Variants in OXR1 observed in about 807,000 individuals in gnomAD.
The protein encoded by OXR1 is oxidation resistance 1.
OXR1 carries 41 observed loss-of-function variants against 104.6 expected under a neutral mutation model. That is an observed-to-expected ratio of 0.39 (90% CI 0.31 to 0.51). The LOEUF is 0.51. Ranked by LOEUF, OXR1 falls within the 20% of genes least tolerant of loss-of-function variation. The pLI is 0.77. For missense variants in OXR1, 955 were observed against 1,031.9 expected, an observed-to-expected ratio of 0.93 and a Z score of 1.02; for synonymous variants, 348 against 348.4, an observed-to-expected ratio of 1.00 and a Z score of 0.01.
At chr8:106,352,320 A>G (rs952018577) in intron 1 of OXR1, among the ~76,000 whole-genome samples, 4 of 152,222 alleles carry the variant, frequency 2.6e-5, no homozygotes, top group Non-Finnish European at 4.4e-5. Flanking sequence ...TCCACTGGAT[A>G]TGTTGGTTCT....
chr8:106,745,350 A>G (rs1235686562), intron 15 of OXR1, among the ~76,000 whole-genome samples: 2 of 152,244 alleles, frequency 1.3e-5, no homozygotes, highest in Non-Finnish European at 2.9e-5. Flanking sequence ...AACTGTGATC[A>G]GTAAATATAT....
rs376542914 is a variant in OXR1, at chr8:106,583,313, T to C, written c.220+64174T>C. On this transcript the variant is annotated intron_variant, in intron 3 of 16. Coordinates refer to ENST00000517566, the MANE Select transcript of OXR1 (RefSeq NM_001198533.2). ...AGCTAAATTACAAATTTATATGATT[T>C]TTAACAAACACTTTAAATGCCTGAT... Among the ~76,000 whole-genome samples the C allele has an allele frequency of 3.9e-5, 6 of 152,308 alleles. No homozygotes were observed. In the South Asian group the frequency reaches 6.2e-4, roughly 16 times the overall value.
chr8:106,424,639 C>A (rs936539905), intron 2 of OXR1, among the ~76,000 whole-genome samples: 10 of 152,082 alleles, frequency 6.6e-5, no homozygotes, highest in African/African-American at 2.4e-4. Flanking sequence ...AGTGTGAATT[C>A]ATAATAGTAG....
At chr8:106,398,051 T>C (rs887019425) in intron 2 of OXR1, among the ~76,000 whole-genome samples, 14 of 152,112 alleles carry the variant, frequency 9.2e-5, no homozygotes, top group South Asian at 8.3e-4. Context: ...GCCTTCTCTG[T>C]GTGTGTGTGT....
chr8:106,301,111 A>G (rs938813376), intron 1 of OXR1, among the ~76,000 whole-genome samples: 1 of 152,158 alleles, frequency 6.6e-6, no homozygotes, highest in African/African-American at 2.4e-5. Context: ...TTGACTTTCA[A>G]TAGTGTTTTG....
At chr8:106,647,769 C>T (rs923610114) in intron 3 of OXR1, among the ~76,000 whole-genome samples, 27 of 152,328 alleles carry the variant, frequency 1.8e-4, no homozygotes, top group African/African-American at 3.1e-4. Flanking sequence ...GCTTAGATTA[C>T]GGGTGTGGGC....
At chr8:106,553,845 A>G (rs190253153) in intron 3 of OXR1, among the ~76,000 whole-genome samples, 1 of 152,264 alleles carries the variant, frequency 6.6e-6, no homozygotes, top group African/African-American at 2.4e-5. Context: ...TGCTAAAAAT[A>G]CTTTCTTACC....
chr8:106,281,293 A>C (rs1353770051), intron 1 of OXR1, among the ~76,000 whole-genome samples: 1 of 152,198 alleles, frequency 6.6e-6, no homozygotes, highest in African/African-American at 2.4e-5. Flanking sequence ...TAATTGCTCC[A>C]AATTGGAAAT....
intron 1 of OXR1, among the ~76,000 whole-genome samples, chr8:106,356,492 C>G (rs887055711): frequency 1.3e-5 from 2 of 152,038 alleles, no homozygotes; most frequent in African/African-American, 4.8e-5. Flanking sequence ...CCTACAAAAG[C>G]AATGGGTTCA....
chr8:106,746,275 T>C (rs557226566), intron 16 of OXR1, among the ~76,000 whole-genome samples: 1 of 5,766 alleles, frequency 1.7e-4, no homozygotes, highest in Admixed American at 2.4e-3. Context: ...CCATTTGGAA[T>C]GATATTTTAG....
Position 106,557,550 on chromosome 8 carries a change from C to CT in OXR1, c.220+38423dup, listed in dbSNP as rs60833572. Among the ~76,000 whole-genome samples the CT allele has an allele frequency of 2.1e-3, 136 of 63,320 alleles. 3 individuals are homozygous for CT. In the South Asian group the frequency reaches 0.049, roughly 23 times the overall value. The allele number at this position is 63,320 out of a possible 152,430, so 41.5% of individuals were successfully genotyped here. Reference sequence around the variant, plus strand: ...AAAACTACTGTTTTTTAGAATTCTACTTTTTTTTTTTTAAATTAGGAATAA... The same window carrying CT: ...AAAACTACTGTTTTTTAGAATTCTACTTTTTTTTTTTTTAAATTAGGAATAA... On this transcript the variant is annotated intron_variant, in intron 3 of 16. Coordinates refer to ENST00000517566, the MANE Select transcript of OXR1 (RefSeq NM_001198533.2).
At chr8:106,293,981 T>G (rs1812868000) in intron 1 of OXR1, among the ~76,000 whole-genome samples, 4 of 133,740 alleles carry the variant, frequency 3.0e-5, no homozygotes, top group Admixed American at 1.5e-4. Context: ...TTTTTTTTTT[T>G]TTTTTGGTAA....
intron 3 of OXR1, among the ~76,000 whole-genome samples, chr8:106,616,218 A>ATTTTTT (rs372788802): frequency 4.6e-4 from 44 of 96,028 alleles, no homozygotes; most frequent in African/African-American, 6.8e-4. Flanking sequence ...ATTTTTTGGA[A>ATTTTTT]TTTTTTTTTT....
chr8:106,537,481 C>G (rs907016829), intron 3 of OXR1, among the ~76,000 whole-genome samples: 1 of 152,042 alleles, frequency 6.6e-6, no homozygotes, highest in Admixed American at 6.6e-5. Context: ...AAAGGAAAGT[C>G]TGAGGTGGGT....
chr8:106,376,019 T>A (rs1370424894), intron 2 of OXR1, among the ~76,000 whole-genome samples: 3 of 152,158 alleles, frequency 2.0e-5, no homozygotes, highest in Non-Finnish European at 4.4e-5. Flanking sequence ...CAGCTAATTT[T>A]AAAAATATTT....
intron 2 of OXR1, among the ~76,000 whole-genome samples, chr8:106,516,242 C>G (rs1161986157): frequency 1.3e-5 from 2 of 152,304 alleles, no homozygotes; most frequent in East Asian, 3.9e-4. Context: ...ATGAGCCCTA[C>G]TTGGCTGTCC....
intron 1 of OXR1, among the ~76,000 whole-genome samples, chr8:106,335,228 C>G (rs1444268771): frequency 6.6e-6 from 1 of 152,090 alleles, no homozygotes; most frequent in Non-Finnish European, 1.5e-5. Context: ...GGAAGCTTGC[C>G]TAGCTTCCCT....
At chr8:106,464,154 C>T (rs2130656655) in intron 2 of OXR1, among the ~76,000 whole-genome samples, 1 of 152,040 alleles carries the variant, frequency 6.6e-6, no homozygotes, top group South Asian at 2.1e-4. Flanking sequence ...TGACCTGAAC[C>T]CAGAATCTTC....
intron 3 of OXR1, among the ~76,000 whole-genome samples, chr8:106,638,775 C>T (rs1338418122): frequency 6.6e-6 from 1 of 152,018 alleles, no homozygotes; most frequent in Non-Finnish European, 1.5e-5. Flanking sequence ...TGTCTGTAGT[C>T]CCAGCTACTC....
Sources: allele counts gnomAD v4.1 joint callset (sites outside exome capture counted in the v4.1 genomes callset), GRCh38; gene constraint gnomAD v4.1.1; transcripts MANE v1.5; gene names NCBI Gene and HGNC (gene_info 2026-07-23, HGNC 2026-07-21).